The following LYPD6B variants were observed in gnomAD, a reference collection of about 807,000 sequenced individuals.
The protein encoded by LYPD6B is LY6/PLAUR domain containing 6B.
A neutral mutation model predicts 22.8 loss-of-function variants in LYPD6B; 17 were observed. The observed-to-expected ratio is 0.75, with a 90% CI of 0.51 to 1.12. The LOEUF (loss-of-function observed/expected upper bound fraction) is 1.12. Ranked by LOEUF, LYPD6B falls within the 50% of genes most tolerant of loss-of-function variation. LYPD6B has a pLI of 0.00. For missense variants in LYPD6B, 221 were observed against 258.3 expected, an observed-to-expected ratio of 0.86 and a Z score of 0.99; for synonymous variants, 106 against 91.6, an observed-to-expected ratio of 1.16 and a Z score of -0.90.
chr2:149,086,699 C>T (rs1685410145), intron 1 of LYPD6B, among the ~76,000 whole-genome samples: 1 of 152,114 alleles, frequency 6.6e-6, no homozygotes, highest in South Asian at 2.1e-4. Flanking sequence ...GACCCAGTGC[C>T]CTAAACAATA....
chr2:149,141,862 CTCTTTCAAGCT>C (rs1688715096), intron 2 of LYPD6B, among the ~76,000 whole-genome samples: 2 of 152,204 alleles, frequency 1.3e-5, no homozygotes, highest in South Asian at 4.1e-4. Flanking sequence ...CTTTCTTCTC[CTCTTTCAAGCT>C]TCTGGTGGCT....
intron 1 of LYPD6B, among the ~76,000 whole-genome samples, chr2:149,075,660 TGAC>T (rs965955800): frequency 3.9e-5 from 6 of 152,142 alleles, no homozygotes; most frequent in Admixed American, 1.3e-4. Context: ...GTGCATAGTT[TGAC>T]TATGACCTGG....
At chr2:149,160,312 GC>G (rs1384861477) in intron 2 of LYPD6B, among the ~76,000 whole-genome samples, 1 of 152,126 alleles carries the variant, frequency 6.6e-6, no homozygotes, top group East Asian at 1.9e-4. Context: ...TATTTCATCA[GC>G]TGGTAGGGCT....
chr2:149,135,249 TAAA>T (rs36032140), intron 2 of LYPD6B, among the ~76,000 whole-genome samples: 1 of 136,800 alleles, frequency 7.3e-6, no homozygotes, highest in African/African-American at 2.7e-5. Flanking sequence ...TGTCTCAAAT[TAAA>T]AAAAAAAAAA....
At chr2:149,068,725 A>G in intron 1 of LYPD6B, 1 of 537,878 alleles carries the variant, frequency 1.9e-6, no homozygotes, top group Non-Finnish European at 3.8e-6. Context: ...CAACATCCTG[A>G]CAGTCATCCA....
chr2:149,214,493 C>G (rs1694070889), intron 6 of LYPD6B, 53 bp from the exon 7 acceptor site: 18 of 1,559,652 alleles, frequency 1.2e-5, no homozygotes, highest in Non-Finnish European at 1.6e-5. Context: ...TTTCTTTTGC[C>G]CCTTCCCTCT....
chr2:149,078,632 T>C (rs1401861019), intron 1 of LYPD6B, among the ~76,000 whole-genome samples: 4 of 152,154 alleles, frequency 2.6e-5, no homozygotes, highest in Admixed American at 6.5e-5. Flanking sequence ...ATTTCTAAGA[T>C]TATTGTCACT....
At chr2:149,181,015 G>A (rs1691680142) in intron 3 of LYPD6B, among the ~76,000 whole-genome samples, 1 of 152,158 alleles carries the variant, frequency 6.6e-6, no homozygotes, top group Non-Finnish European at 1.5e-5. Flanking sequence ...AGCTATGGAA[G>A]CCTTTACCCA....
chr2:149,206,690 T>G (rs1693527915), intron 4 of LYPD6B, among the ~76,000 whole-genome samples: 1 of 152,108 alleles, frequency 6.6e-6, no homozygotes, highest in Admixed American at 6.5e-5. Flanking sequence ...ATTCATAACC[T>G]CAAGATTCAA....
intron 4 of LYPD6B, among the ~76,000 whole-genome samples, chr2:149,206,394 A>T (rs1037422854): frequency 2.0e-5 from 3 of 152,094 alleles, no homozygotes; most frequent in Non-Finnish European, 4.4e-5. Flanking sequence ...GCATATATAC[A>T]CATGTATACT....
At chr2:149,104,506 G>A (rs1686372382) in intron 1 of LYPD6B, among the ~76,000 whole-genome samples, 1 of 152,106 alleles carries the variant, frequency 6.6e-6, no homozygotes, top group Admixed American at 6.5e-5. Flanking sequence ...TTCTTTATGT[G>A]TTATTCATCA....
intron 1 of LYPD6B, among the ~76,000 whole-genome samples, chr2:149,055,380 C>T (rs1298881282): frequency 6.6e-6 from 1 of 152,166 alleles, no homozygotes; most frequent in Non-Finnish European, 1.5e-5. Context: ...TTCTGGGTCC[C>T]TTCCATTTCC....
rs548749971 is a variant in LYPD6B, at chr2:149,127,442, T to G, written c.-66-3441T>G. ...AGGATCTTGACTTATTGCCCAAGTCTCGGGTTCAGCTGCCCCACCATGGGA... is the reference window on the plus strand; with the variant it reads ...AGGATCTTGACTTATTGCCCAAGTCGCGGGTTCAGCTGCCCCACCATGGGA... On this transcript the variant is annotated intron_variant, in intron 1 of 6. Transcript: ENST00000409642. Among the ~76,000 whole-genome samples, 12 of 152,330 alleles carry G rather than the reference T, an allele frequency of 7.9e-5. No individual in the cohort carries two copies. In the South Asian group the frequency reaches 1.2e-3, roughly 16 times the overall value.
At chr2:149,100,416 C>CAAAAAAAAAAAAAA (rs58068035) in intron 1 of LYPD6B, among the ~76,000 whole-genome samples, 2 of 67,962 alleles carry the variant, frequency 2.9e-5, no homozygotes, top group Non-Finnish European at 5.2e-5. Flanking sequence ...TTGGCTTTGA[C>CAAAAAAAAAAAAAA]AAAAAAAAAA....
chr2:149,061,228 G>T (rs190835752), intron 1 of LYPD6B, among the ~76,000 whole-genome samples: 3 of 149,240 alleles, frequency 2.0e-5, no homozygotes, highest in Non-Finnish European at 4.4e-5. Context: ...ACAGGGTCTT[G>T]CTCTGTCCCA....
chr2:149,131,572 A>G (rs1688032519), intron 2 of LYPD6B: 1 of 152,378 alleles, frequency 6.6e-6, no homozygotes, highest in South Asian at 2.1e-4. Flanking sequence ...TAATTACTTT[A>G]GAGCTGCAAG....
chr2:149,205,429 A>C (rs1693449301), intron 4 of LYPD6B, 25 bp downstream of exon 4: 1 of 1,611,086 alleles, frequency 6.2e-7, no homozygotes, highest in Non-Finnish European at 8.5e-7. Flanking sequence ...TTGCCATCCT[A>C]GTTCATGGCT....
intron 1 of LYPD6B, chr2:149,101,624 C>A (rs1326565466): frequency 6.6e-6 from 1 of 152,302 alleles, no homozygotes. Context: ...TTCAAATACT[C>A]CCACAGGCAC....
intron 3 of LYPD6B, among the ~76,000 whole-genome samples, chr2:149,172,487 C>T (rs1260416331): frequency 6.6e-6 from 1 of 152,180 alleles, no homozygotes; most frequent in Non-Finnish European, 1.5e-5. Flanking sequence ...GAGGTGATTT[C>T]AGGTCAGAGT....
Sources: gnomAD v4.1 joint callset for allele counts (sites outside exome capture counted in the v4.1 genomes callset) on GRCh38, gnomAD v4.1.1 for gene constraint, MANE v1.5 for transcripts, NCBI Gene and HGNC (gene_info 2026-07-23, HGNC 2026-07-21) for gene names.